The following C16orf78 variants were observed in gnomAD, a reference collection of about 807,000 sequenced individuals.
The protein encoded by C16orf78 is uncharacterized protein C16orf78.
C16orf78 carries 19 observed loss-of-function variants against 27.3 expected under a neutral mutation model. The observed-to-expected ratio is 0.70, with a 90% CI of 0.49 to 1.02. C16orf78 has a LOEUF of 1.02. C16orf78 is among the 50% of genes least tolerant of loss of function. C16orf78 has a pLI of 0.00. For synonymous variants in C16orf78, 130 were observed against 116.1 expected (o/e 1.12, Z -0.77); for missense variants, 339 against 337.0 (o/e 1.01, Z -0.05).
At chr16:49,398,564 T>C (rs1012202185) in intron 4 of C16orf78, among the ~76,000 whole-genome samples, 2 of 152,258 alleles carry the variant, frequency 1.3e-5, no homozygotes, top group African/African-American at 2.4e-5. Flanking sequence ...TCCCGGCCCA[T>C]GACCTCTCTC....
intron 3 of C16orf78, among the ~76,000 whole-genome samples, chr16:49,384,368 A>AAAAAAG (rs1567391927): frequency 2.8e-5 from 4 of 143,162 alleles, no homozygotes; most frequent in Non-Finnish European, 4.5e-5. Context: ...AAAAAAAAAA[A>AAAAAAG]GCAGAAAACT....
intron 1 of C16orf78, among the ~76,000 whole-genome samples, chr16:49,375,525 GA>G (rs758637915): frequency 2.0e-5 from 3 of 152,074 alleles, no homozygotes; most frequent in Admixed American, 6.5e-5. Context: ...GATCTCACGA[GA>G]ACTCTCGCCT....
chr16:49,377,113 C>T (rs565035827), intron 1 of C16orf78, among the ~76,000 whole-genome samples: 28 of 152,316 alleles, frequency 1.8e-4, no homozygotes, highest in African/African-American at 5.8e-4. Context: ...GCCTCCCCTG[C>T]GAGAGCAGGA....
At chr16:49,378,669 A>G in intron 3 of C16orf78, 76 bp downstream of exon 3, 1 of 1,587,862 alleles carries the variant, frequency 6.3e-7, no homozygotes, top group Non-Finnish European at 8.6e-7. Context: ...CCGAAAGCTC[A>G]CGCCATTCTT....
chr16:49,394,538 C>G (rs141967851), intron 3 of C16orf78, among the ~76,000 whole-genome samples: 1 of 151,726 alleles, frequency 6.6e-6, no homozygotes, highest in East Asian at 1.9e-4. Flanking sequence ...CTATGTCAAC[C>G]AGGGATAAAA....
intron 3 of C16orf78, among the ~76,000 whole-genome samples, chr16:49,385,259 A>G (rs1965334301): frequency 6.6e-6 from 1 of 152,264 alleles, no homozygotes; most frequent in African/African-American, 2.4e-5. Flanking sequence ...ACAATACAAA[A>G]TATATGTATA....
chr16:49,396,564 A>G lies in C16orf78; in HGVS notation c.536A>G (p.Asn179Ser), dbSNP rs1335861418. 1 of 1,614,204 alleles carries G rather than the reference A, an allele frequency of 6.2e-7. No individual in the cohort carries two copies. Among genetic ancestry groups the G allele is most frequent in the Admixed American group, 1.7e-5 (1 of 60,032 alleles). ...GCAACCTTCATAAGAGACTGGTCCA[A>G]CAAGATGCCTGACATGGCTTACGAA... ...QRATFIRDWS[N>S]KMPDMAYERK... Residue 179 changes from asparagine (N) to serine (S), a missense_variant, in exon 4 of 5, where the codon AAC becomes AGC. Transcript: ENST00000299191.
intron 3 of C16orf78, among the ~76,000 whole-genome samples, chr16:49,382,264 TG>T (rs1431671278): frequency 5.3e-5 from 8 of 151,910 alleles, no homozygotes; most frequent in African/African-American, 1.9e-4. Flanking sequence ...GGGACTGTTG[TG>T]GGGTGGGGGG....
chr16:49,380,487 C>A (rs1463057876), intron 3 of C16orf78, among the ~76,000 whole-genome samples: 1 of 152,160 alleles, frequency 6.6e-6, no homozygotes, highest in Non-Finnish European at 1.5e-5. Context: ...TCCTGTTGGG[C>A]CCTGGAGCTT....
At position 49,399,339 on chromosome 16, in the gene C16orf78, G is replaced by T; in HGVS notation, c.*61G>T. On this transcript the variant is annotated 3_prime_UTR_variant, in exon 5 of 5. Transcript: ENST00000299191. Reference sequence around the variant, plus strand: ...GTCATGGGACCCTTCACCTCCAGATGCCATCCTCTGGCACACTACAAGTGG... The same window carrying T: ...GTCATGGGACCCTTCACCTCCAGATTCCATCCTCTGGCACACTACAAGTGG... 1 of 1,583,564 alleles carries T rather than the reference G, an allele frequency of 6.3e-7. No individual in the cohort carries two copies.
chr16:49,388,133 A>C (rs543265091), intron 3 of C16orf78, among the ~76,000 whole-genome samples: 4 of 151,924 alleles, frequency 2.6e-5, no homozygotes, highest in Non-Finnish European at 5.9e-5. Flanking sequence ...AAGAAAAAAA[A>C]ATTTTTTTTT....
intron 3 of C16orf78, among the ~76,000 whole-genome samples, chr16:49,393,076 CTG>C (rs1348712544): frequency 6.6e-6 from 1 of 152,172 alleles, no homozygotes; most frequent in Non-Finnish European, 1.5e-5. Flanking sequence ...CCATGTGGAA[CTG>C]TGAGTCAATT....
At chr16:49,376,401 G>T (rs1965218424) in intron 1 of C16orf78, among the ~76,000 whole-genome samples, 1 of 152,232 alleles carries the variant, frequency 6.6e-6, no homozygotes, top group East Asian at 1.9e-4. Context: ...TGGGGGCTGT[G>T]TGGGGAGCTA....
At chr16:49,393,410 T>A (rs1415512120) in intron 3 of C16orf78, among the ~76,000 whole-genome samples, 1 of 152,098 alleles carries the variant, frequency 6.6e-6, no homozygotes, top group African/African-American at 2.4e-5. Flanking sequence ...TAAAAAAAAT[T>A]AACATTCAAA....
chr16:49,381,038 T>C (rs990414752), intron 3 of C16orf78, among the ~76,000 whole-genome samples: 3 of 151,514 alleles, frequency 2.0e-5, no homozygotes, highest in African/African-American at 7.3e-5. Context: ...TACTGTAGCC[T>C]TGTAGTATAG....
intron 3 of C16orf78, among the ~76,000 whole-genome samples, chr16:49,383,813 T>A (rs956272174): frequency 6.6e-6 from 1 of 152,088 alleles, no homozygotes; most frequent in African/African-American, 2.4e-5. Context: ...GGCAACATAG[T>A]GAGACCCCCA....
chr16:49,377,131 G>A (rs1410032983), intron 1 of C16orf78, among the ~76,000 whole-genome samples: 1 of 152,210 alleles, frequency 6.6e-6, no homozygotes, highest in East Asian at 1.9e-4. Flanking sequence ...GGAGGGCCAG[G>A]AATGTGCCAT....
intron 3 of C16orf78, among the ~76,000 whole-genome samples, chr16:49,385,949 C>T (rs1285827234): frequency 6.6e-6 from 1 of 152,040 alleles, no homozygotes; most frequent in African/African-American, 2.4e-5. Context: ...AAACAAGATC[C>T]AACTATACGC....
intron 3 of C16orf78, 134 bp from the exon 4 acceptor site, chr16:49,396,289 C>T (rs543986641): frequency 4.9e-4 from 511 of 1,040,224 alleles, no homozygotes; most frequent in South Asian, 2.2e-3. Context: ...GTGGAAGCCA[C>T]GAAAAGACCT....
Sources: gnomAD v4.1 joint callset for allele counts (sites outside exome capture counted in the v4.1 genomes callset) on GRCh38, gnomAD v4.1.1 for gene constraint, MANE v1.5 for transcripts, NCBI Gene and HGNC (gene_info 2026-07-23, HGNC 2026-07-21) for gene names.